Variants in MYCBP2 observed in about 807,000 individuals in gnomAD.
MYCBP2 encodes the protein E3 ubiquitin-protein ligase MYCBP2.
A neutral mutation model predicts 525.3 loss-of-function variants in MYCBP2; 120 were observed. The observed-to-expected ratio is 0.23, with a 90% CI of 0.20 to 0.27. The LOEUF is 0.27. Among genes scored for constraint, MYCBP2 ranks in the 10% least tolerant of loss-of-function variants. The pLI is 1.00. For synonymous variants in MYCBP2, 1,894 were observed against 1,955.8 expected (o/e 0.97, Z 0.83); for missense variants, 4,149 against 5,657.1 (o/e 0.73, Z 8.55).
At position 77,188,704 on chromosome 13, in the gene MYCBP2, G is replaced by A. The variant is rs112299450; in HGVS notation, c.4251+247C>T. 9.2e-5 allele frequency among the ~76,000 whole-genome samples: 14 copies of A among 152,172 alleles called. 1 individual carries two copies. The South Asian group carries it at 1.9e-3, about 20-fold the overall frequency. ...ATATGATTTACTAGAAAAGCAAATC[G>A]TTATTTGTTTCAAAAACAGCAAGGC... On this transcript the variant is annotated intron_variant, in intron 30 of 82. Transcript: ENST00000544440.
At chr13:77,233,131 C>T in intron 18 of MYCBP2, 25 bp downstream of exon 18, 1 of 1,590,432 alleles carries the variant, frequency 6.3e-7, no homozygotes, top group Non-Finnish European at 8.6e-7. Context: ...AGTATCCCAC[C>T]TAGGTGATAA....
At chr13:77,076,964 C>T (rs1459429475) in intron 67 of MYCBP2, 115 bp from the exon 68 acceptor site, 1 of 1,106,150 alleles carries the variant, frequency 9.0e-7, no homozygotes, top group African/African-American at 1.6e-5. Flanking sequence ...TGCTAATATA[C>T]ACCACTATTT....
intron 65 of MYCBP2, among the ~76,000 whole-genome samples, chr13:77,079,954 C>G (rs2043014098): frequency 6.6e-6 from 1 of 152,138 alleles, no homozygotes; most frequent in South Asian, 2.1e-4. Flanking sequence ...TGATTATTTC[C>G]TCTTAGAAAA....
At position 77,197,331 on chromosome 13, in the gene MYCBP2, CT is replaced by C. The variant is rs1313803999; in HGVS notation, c.3844-3088del. Among the ~76,000 whole-genome samples the C allele has an allele frequency of 5.9e-5, 9 of 151,972 alleles. No homozygotes were observed. The South Asian group carries it at 1.7e-3, about 28-fold the overall frequency. On this transcript the variant is annotated intron_variant, in intron 26 of 82. Transcript: ENST00000544440. ...TTGCCTAGGGTAGTGGTAGAAAAGT[CT>C]TTTTTGTGGAGAAGAAAGAGATATA...
At chr13:77,170,258 G>A (rs1442660399) in intron 38 of MYCBP2, among the ~76,000 whole-genome samples, 1 of 152,112 alleles carries the variant, frequency 6.6e-6, no homozygotes, top group African/African-American at 2.4e-5. Flanking sequence ...AAGCTACATT[G>A]CTTTCTGTTT....
intron 54 of MYCBP2, 146 bp downstream of exon 54, chr13:77,125,190 C>A: frequency 1.0e-6 from 1 of 961,016 alleles, no homozygotes; most frequent in East Asian, 2.5e-5. Context: ...CCAATTTTAA[C>A]AGTTGCAAGA....
At chr13:77,270,092 A>G in intron 6 of MYCBP2, 29 bp from the exon 7 acceptor site, 1 of 1,562,648 alleles carries the variant, frequency 6.4e-7, no homozygotes, top group Non-Finnish European at 8.7e-7. Flanking sequence ...TTAGTATATC[A>G]GTGGTTTCAT....
chr13:77,053,028 C>T (rs1236053219), intron 80 of MYCBP2, among the ~76,000 whole-genome samples: 1 of 151,742 alleles, frequency 6.6e-6, no homozygotes, highest in Non-Finnish European at 1.5e-5. Flanking sequence ...GTCCCAGCTA[C>T]TGAGAAGGCT....
In MYCBP2 at chr13:77,243,913, A is replaced by G; in HGVS notation, c.2420T>C (p.Val807Ala). 1.2e-6 allele frequency: 2 copies of G among 1,608,632 alleles called. No homozygotes were observed. Among genetic ancestry groups the G allele is most frequent in the Non-Finnish European group, 1.7e-6 (2 of 1,177,858 alleles). ...TGCACAGGCCTTGCAACATCCACAC[A>G]CAGCACAACCAGATTCTCCGGAACC... is the stretch of plus-strand genomic sequence containing the variant. Reference protein sequence around the residue: ...GCGSGESGCAVCGCCKACARE... With the variant: ...GCGSGESGCAACGCCKACARE... Residue 807 changes from valine (V) to alanine (A), a missense_variant, in exon 16 of 83, where the codon GTG becomes GCG. By Grantham distance (64) the Val-to-Ala change is moderately conservative. Coordinates refer to ENST00000544440, the MANE Select transcript of MYCBP2 (RefSeq NM_015057.5).
intron 1 of MYCBP2, among the ~76,000 whole-genome samples, chr13:77,318,757 A>G: frequency 6.9e-6 from 1 of 144,090 alleles, no homozygotes; most frequent in African/African-American, 2.4e-5. Flanking sequence ...CTGCCTCAAA[A>G]CAAACAAACA....
At position 77,098,024 on chromosome 13, in the gene MYCBP2, T is replaced by C. The variant is rs757155467; in HGVS notation, c.9130A>G (p.Ile3044Val). Reference sequence around the variant, plus strand: ...GAACAAGCCATTGCATCATGTACTATGCCTTCATGCCAGAGGAAGGAAGCA... The same window carrying C: ...GAACAAGCCATTGCATCATGTACTACGCCTTCATGCCAGAGGAAGGAAGCA... ...VFASFLWHEG[I>V]VHDAMACSSF... Residue 3044 changes from isoleucine (I) to valine (V), a missense_variant, in exon 56 of 83, where the codon ATA becomes GTA. Physicochemically the swap from Ile to Val is conservative, Grantham distance 29. This residue lies in a region of MYCBP2 where 653 missense variants were observed against 744.7 expected (regional missense o/e 0.88). Transcript: ENST00000544440. The C allele has an allele frequency of 3.1e-6, 5 of 1,613,708 alleles. No individual in the cohort carries two copies. The highest frequency in any genetic ancestry group is 1.3e-5 in the African/African-American group (1 of 75,042).
chr13:77,062,730 T>C, intron 73 of MYCBP2, 33 bp from the exon 74 acceptor site: 1 of 1,556,908 alleles, frequency 6.4e-7, no homozygotes, highest in Non-Finnish European at 8.9e-7. Flanking sequence ...CACCACTGAA[T>C]TTTTAGGAAA....
chr13:77,113,933 T>G (rs2049280514), intron 55 of MYCBP2, among the ~76,000 whole-genome samples: 1 of 152,158 alleles, frequency 6.6e-6, no homozygotes, highest in Admixed American at 6.6e-5. Context: ...CAATGCTGAC[T>G]CTAATCTTCT....
chr13:77,205,706 G>T, intron 24 of MYCBP2, 108 bp from the exon 25 acceptor site: 1 of 898,188 alleles, frequency 1.1e-6, no homozygotes, highest in Non-Finnish European at 1.6e-6. Flanking sequence ...AACTCAGAAT[G>T]TTACTCCAAG....
At chr13:77,161,867 A>G (rs1243583368) in intron 44 of MYCBP2, 39 bp downstream of exon 44, 1 of 1,507,690 alleles carries the variant, frequency 6.6e-7, no homozygotes, top group Non-Finnish European at 9.1e-7. Context: ...TTTTTAAATT[A>G]ATGTACAAAG....
chr13:77,173,730 C>G (rs142790976), intron 37 of MYCBP2, among the ~76,000 whole-genome samples: 6 of 152,302 alleles, frequency 3.9e-5, no homozygotes, highest in African/African-American at 1.4e-4. Context: ...AAGAAAAATT[C>G]AGACTCAGTG....
In MYCBP2 at chr13:77,067,582, T is replaced by C. The variant is rs983654737; in HGVS notation, c.12454A>G (p.Ser4152Gly). ...TVTLPMIFNS[S>G]YLRRGESHWW... is the part of the protein sequence containing the mutation. ...ACTAAAATAGAGGCAATAACTAACC[T>C]GGAATTGAAAATCATCGGAAGAGTA... is the stretch of plus-strand genomic sequence containing the variant. The change falls in exon 71 of 83, where the codon AGT (serine) becomes GGT (glycine). Residue 4152 changes from serine to glycine, a missense_variant and splice_region_variant. Physicochemically the swap from Ser to Gly is moderately conservative, Grantham distance 56. Coordinates refer to ENST00000544440, the MANE Select transcript of MYCBP2 (RefSeq NM_015057.5). 5.6e-6 allele frequency: 9 copies of C among 1,613,914 alleles called. No homozygotes were observed. Among genetic ancestry groups the C allele is most frequent in the Non-Finnish European group, 7.6e-6 (9 of 1,179,784 alleles).
chr13:77,234,312 A>T (rs2067567320), intron 17 of MYCBP2, among the ~76,000 whole-genome samples: 2 of 151,920 alleles, frequency 1.3e-5, no homozygotes, highest in African/African-American at 4.8e-5. Flanking sequence ...GACACTATAT[A>T]AGCACTGAAC....
chr13:77,053,562 T>C (rs191012788), intron 80 of MYCBP2, among the ~76,000 whole-genome samples: 1 of 152,252 alleles, frequency 6.6e-6, no homozygotes, highest in Non-Finnish European at 1.5e-5. Flanking sequence ...TTACTCCAGC[T>C]GTTTCACTTT....
Sources: gnomAD v4.1 joint callset for allele counts (sites outside exome capture counted in the v4.1 genomes callset) on GRCh38, gnomAD v4.1.1 for gene constraint, gnomAD v4.1.1 regional missense constraint, MANE v1.5 for transcripts, NCBI Gene and HGNC (gene_info 2026-07-23, HGNC 2026-07-21) for gene names.